The following PIEZO2 variants were observed in gnomAD, a reference collection of about 807,000 sequenced individuals.
The protein encoded by PIEZO2 is piezo-type mechanosensitive ion channel component 2.
Under a neutral mutation model 337.3 loss-of-function variants are expected in PIEZO2, and 172 were observed. The observed-to-expected ratio is 0.51, with a 90% CI of 0.45 to 0.58. The LOEUF (loss-of-function observed/expected upper bound fraction) is 0.58. Ranked by LOEUF, PIEZO2 falls within the 20% of genes least tolerant of loss-of-function variation. The probability of loss-of-function intolerance (pLI) is 0.00; values close to 1 mark genes in which losing one functional copy is unlikely to be tolerated. For synonymous variants in PIEZO2, 1,251 were observed against 1,228.5 expected, an observed-to-expected ratio of 1.02 and a Z score of -0.38; for missense variants, 3,028 against 3,391.3, an observed-to-expected ratio of 0.89 and a Z score of 2.66.
chr18:11,086,760 T>G (rs1018243380), intron 1 of PIEZO2, among the ~76,000 whole-genome samples: 10 of 67,544 alleles, frequency 1.5e-4, no homozygotes, highest in African/African-American at 1.0e-3. Flanking sequence ...AATTTCGGGT[T>G]TTTTTTTTTA....
At chr18:10,804,027 C>G (rs1568077780) in intron 8 of PIEZO2, 33 bp from the exon 9 acceptor site, 28 of 1,535,802 alleles carry the variant, frequency 1.8e-5, no homozygotes, top group Non-Finnish European at 2.4e-5. Context: ...GTCTTGCTTC[C>G]TGAGGCAGTT....
Position 11,113,486 on chromosome 18 carries a change from T to A in PIEZO2, c.64+35039A>T, listed in dbSNP as rs964995590. Among the ~76,000 whole-genome samples the A allele has an allele frequency of 2.6e-5, 4 of 152,260 alleles. No homozygotes were observed. In the East Asian group the frequency reaches 7.7e-4, roughly 29 times the overall value. The stretch of plus-strand genomic sequence containing the variant: ...GACCTCAGGGAAAACCCTCCGGATA[T>A]GCGGATTCACTGTCCCATCCTTCTT... On this transcript the variant is annotated intron_variant, in intron 1 of 55. Coordinates refer to ENST00000674853, the MANE Select transcript of PIEZO2 (RefSeq NM_001378183.1).
chr18:10,788,985 C>A, intron 15 of PIEZO2, 94 bp downstream of exon 15: 31 of 1,313,036 alleles, frequency 2.4e-5, no homozygotes, highest in Non-Finnish European at 3.1e-5. Flanking sequence ...TATCCATGTT[C>A]ATGAGATTCT....
At chr18:10,782,049 C>A (rs1232077798) in intron 17 of PIEZO2, among the ~76,000 whole-genome samples, 2 of 149,566 alleles carry the variant, frequency 1.3e-5, no homozygotes, top group East Asian at 3.9e-4. Context: ...AAAATACTCC[C>A]ATGAGGAAGA....
chr18:10,896,005 A>C (rs1248698739), intron 4 of PIEZO2, among the ~76,000 whole-genome samples: 1 of 150,386 alleles, frequency 6.6e-6, no homozygotes, highest in Non-Finnish European at 1.5e-5. Context: ...GGTTGCAGTG[A>C]GCCAAGATCA....
chr18:10,839,552 C>T (rs1189857), intron 7 of PIEZO2, among the ~76,000 whole-genome samples: 47,794 of 151,178 alleles, frequency 0.32, 8,237 homozygotes, highest in East Asian at 0.65. Context: ...ATTACTTTGC[C>T]AGACCACTTC....
chr18:10,962,893 C>T lies in PIEZO2; in HGVS notation c.286+16642G>A, dbSNP rs749132649. Among the ~76,000 whole-genome samples, 1 of 152,110 alleles carries T rather than the reference C, an allele frequency of 6.6e-6. No homozygotes were observed. Among genetic ancestry groups the T allele is most frequent in the South Asian group, 2.1e-4 (1 of 4,830 alleles). ...AACAGCCCTGAAAGCTATATTCTGT[C>T]GTGAAATGCATACACCTCTATCATC... On this transcript the variant is annotated intron_variant, in intron 3 of 55. Coordinates refer to ENST00000674853, the MANE Select transcript of PIEZO2 (RefSeq NM_001378183.1). This position sits in a 1 kb window ranked among gnomAD's most constrained non-coding sequence, Gnocchi z 4.1.
rs368297030 is a variant in PIEZO2, at chr18:11,051,683, T to C, written c.160+14444A>G. Among the ~76,000 whole-genome samples the C allele has an allele frequency of 1.5e-3, 234 of 152,300 alleles. 6 individuals are homozygous for C. In the South Asian group the frequency reaches 0.018, roughly 11 times the overall value. ...GAGTAAATGTCACACTGTAGCTGGA[T>C]GCGTGTCCCCTATCTCAGACTGCGG... On this transcript the variant is annotated intron_variant, in intron 2 of 55. Coordinates refer to ENST00000674853, the MANE Select transcript of PIEZO2 (RefSeq NM_001378183.1).
chr18:10,995,082 A>AAAAAAAAAAAAG (rs2035266381), intron 2 of PIEZO2, among the ~76,000 whole-genome samples: 1 of 128,142 alleles, frequency 7.8e-6, no homozygotes, highest in African/African-American at 3.1e-5. Context: ...CGTCTCAAAA[A>AAAAAAAAAAAAG]AAAAAAAAAA....
intron 2 of PIEZO2, among the ~76,000 whole-genome samples, chr18:10,994,212 T>G (rs2035216700): frequency 6.6e-6 from 1 of 152,180 alleles, no homozygotes; most frequent in Non-Finnish European, 1.5e-5. Flanking sequence ...TGGGTAGTAG[T>G]CCATCACATA....
chr18:10,758,489 A>G (rs191283291), intron 26 of PIEZO2, among the ~76,000 whole-genome samples: 8 of 152,192 alleles, frequency 5.3e-5, no homozygotes, highest in African/African-American at 1.7e-4. Flanking sequence ...TCTGTCGCCC[A>G]GGCTGGAGTG....
chr18:11,038,696 G>C lies in PIEZO2; in HGVS notation c.160+27431C>G, dbSNP rs1332429652. Among the ~76,000 whole-genome samples, 1 of 152,114 alleles carries C rather than the reference G, an allele frequency of 6.6e-6. No individual in the cohort carries two copies. Among genetic ancestry groups the C allele is most frequent in the East Asian group, 1.9e-4 (1 of 5,192 alleles). On this transcript the variant is annotated intron_variant, in intron 2 of 55. Coordinates refer to ENST00000674853, the MANE Select transcript of PIEZO2 (RefSeq NM_001378183.1). This position sits in a 1 kb window ranked among gnomAD's most constrained non-coding sequence, Gnocchi z 4.1. ...TACCACTTGCTTAATAAGTGTTCTT[G>C]GGTAAATTATGTATCTTCTCAACAT...
chr18:10,994,598 C>T (rs1289760611), intron 2 of PIEZO2, among the ~76,000 whole-genome samples: 3 of 150,964 alleles, frequency 2.0e-5, no homozygotes, highest in East Asian at 2.0e-4. Context: ...TTAGTAGAGA[C>T]GGGGTTTCAC....
rs1273980829 is a variant in PIEZO2, at chr18:10,833,819, G to T, written c.917+21534C>A. On this transcript the variant is annotated intron_variant, in intron 7 of 55. Transcript: ENST00000674853. The surrounding 1 kb of genome is among the most constrained non-coding windows in gnomAD (Gnocchi z 4.7). ...TCTGCAAATCCTTTGTTTAAAAAAC[G>T]CATTAGGCTGCCCTTTCCCTGAAGC... is the stretch of plus-strand genomic sequence containing the variant. 6.6e-6 allele frequency among the ~76,000 whole-genome samples: 1 copy of T among 152,172 alleles called. No homozygotes were observed. Among genetic ancestry groups the T allele is most frequent in the Non-Finnish European group, 1.5e-5 (1 of 68,044 alleles).
chr18:10,891,983 T>G (rs1481074519), intron 4 of PIEZO2, among the ~76,000 whole-genome samples: 3 of 152,148 alleles, frequency 2.0e-5, no homozygotes, highest in African/African-American at 7.2e-5. Context: ...CAGAAATGGG[T>G]CCGGTAAACA....
At chr18:11,082,498 T>A (rs1266897263) in intron 1 of PIEZO2, among the ~76,000 whole-genome samples, 2 of 152,034 alleles carry the variant, frequency 1.3e-5, no homozygotes, top group Non-Finnish European at 2.9e-5. Context: ...TTTGTATTTT[T>A]AGTAGAGATG....
chr18:11,004,797 A>G (rs2035663515), intron 2 of PIEZO2, among the ~76,000 whole-genome samples: 1 of 152,228 alleles, frequency 6.6e-6, no homozygotes, highest in African/African-American at 2.4e-5. Context: ...ACATTCAACA[A>G]AATGCAGTTT....
intron 4 of PIEZO2, among the ~76,000 whole-genome samples, chr18:10,874,257 CACA>C (rs2144805761): frequency 6.6e-6 from 1 of 151,940 alleles, no homozygotes; most frequent in African/African-American, 2.4e-5. Context: ...AAATCAAAAC[CACA>C]ACGAGTTATC....
At chr18:11,004,921 T>A (rs1200745073) in intron 2 of PIEZO2, among the ~76,000 whole-genome samples, 1 of 152,214 alleles carries the variant, frequency 6.6e-6, no homozygotes, top group African/African-American at 2.4e-5. Flanking sequence ...CTCTGGACAC[T>A]CCTGAGTGTC....
Sources: gnomAD v4.1 joint callset for allele counts (sites outside exome capture counted in the v4.1 genomes callset) on GRCh38, gnomAD v4.1.1 for gene constraint, Gnocchi (gnomAD v3.1) non-coding constraint, MANE v1.5 for transcripts, NCBI Gene and HGNC (gene_info 2026-07-23, HGNC 2026-07-21) for gene names.